Variants in PIP5K1A observed in about 807,000 individuals in gnomAD.
The protein encoded by PIP5K1A is phosphatidylinositol 4-phosphate 5-kinase type-1 alpha.
PIP5K1A carries 46 observed loss-of-function variants against 72.9 expected under a neutral mutation model. The ratio of observed to expected loss-of-function variants is 0.63; its 90% confidence interval spans 0.50 to 0.81. The LOEUF (loss-of-function observed/expected upper bound fraction) is 0.81. Among genes scored for constraint, PIP5K1A ranks in the 30% least tolerant of loss-of-function variants. The probability of loss-of-function intolerance (pLI) is 0.00; values close to 1 mark genes in which losing one functional copy is unlikely to be tolerated. For synonymous variants in PIP5K1A, 228 were observed against 255.1 expected (o/e 0.89, Z 1.01); for missense variants, 458 against 706.1 (o/e 0.65, Z 3.98).
chr1:151,198,266 T>A (rs1313793539), upstream of PIP5K1A: 1 of 360,382 alleles, frequency 2.8e-6, no homozygotes, highest in Non-Finnish European at 5.5e-6. Flanking sequence ...CGCAGAGAGT[T>A]CTTTCCTGGG....
intron 14 of PIP5K1A, among the ~76,000 whole-genome samples, chr1:151,246,306 G>A (rs1404654524): frequency 6.6e-6 from 1 of 152,062 alleles, no homozygotes; most frequent in African/African-American, 2.4e-5. Context: ...CCTTTGGCTC[G>A]GGTTCTCTCG....
intron 8 of PIP5K1A, among the ~76,000 whole-genome samples, chr1:151,235,844 C>A (rs587771363): frequency 6.6e-6 from 1 of 152,172 alleles, no homozygotes; most frequent in South Asian, 2.1e-4. Context: ...CTAACCAGGC[C>A]GGGCGTGGTG....
In PIP5K1A at chr1:151,249,480, T is replaced by G. The variant is rs1315884842; in HGVS notation, c.*1615T>G. On this transcript the variant is annotated 3_prime_UTR_variant, in exon 16 of 16. Transcript: ENST00000368888. ...TATTGTTCAGAAATGGCAAATACAA[T>G]ATAAAAGTGATATATGGTTTTAATG... 1.3e-5 allele frequency: 2 copies of G among 152,156 alleles called. No homozygotes were observed. The highest frequency in any genetic ancestry group is 2.9e-5 in the Non-Finnish European group (2 of 68,028). 9.4% of individuals were successfully genotyped at this position (152,156 alleles called of 1,614,324 possible).
intron 1 of PIP5K1A, among the ~76,000 whole-genome samples, chr1:151,205,878 A>G (rs1349582134): frequency 6.6e-6 from 1 of 152,102 alleles, no homozygotes; most frequent in African/African-American, 2.4e-5. Context: ...ATCAAGGACA[A>G]AAGTGTACTT....
In PIP5K1A at chr1:151,242,190, C is replaced by G; in HGVS notation, c.1431C>G (p.Gly477=). The G allele has an allele frequency of 6.2e-7, 1 of 1,613,908 alleles. No homozygotes were observed. Among genetic ancestry groups the G allele is most frequent in the Non-Finnish European group, 8.5e-7 (1 of 1,179,806 alleles). Reference sequence around the variant, plus strand: ...TCTCTCGGCGAGCAGGCTCCAGTGGCAACTCCTGCATTACTTACCAGCCAT... The same window carrying G: ...TCTCTCGGCGAGCAGGCTCCAGTGGGAACTCCTGCATTACTTACCAGCCAT... ...SSFSRRAGSS[G]NSCITYQPSV... The change falls in exon 13 of 16, where the codon GGC becomes GGG. Residue 477 remains glycine, a synonymous_variant. Transcript: ENST00000368888.
At chr1:151,195,663 A>C (rs1228892755), upstream of PIP5K1A, among the ~76,000 whole-genome samples, 1 of 151,726 alleles carries the variant, frequency 6.6e-6, no homozygotes, top group African/African-American at 2.4e-5. Flanking sequence ...AGGCAGGAGA[A>C]TCGCTTGAAC....
chr1:151,234,046 T>C (rs1385648076), intron 7 of PIP5K1A, 151 bp from the exon 8 acceptor site: 1 of 630,880 alleles, frequency 1.6e-6, no homozygotes, highest in Admixed American at 3.0e-5. Flanking sequence ...CATAGGGAAA[T>C]GTAAAGCATA....
At chr1:151,240,315 G>T in intron 12 of PIP5K1A, 1 of 399,172 alleles carries the variant, frequency 2.5e-6, no homozygotes. Flanking sequence ...AATAAATAAT[G>T]TGTAGTTGTG....
intron 1 of PIP5K1A, among the ~76,000 whole-genome samples, chr1:151,204,484 G>A (rs1685671250): frequency 6.6e-6 from 1 of 152,146 alleles, no homozygotes; most frequent in Non-Finnish European, 1.5e-5. Flanking sequence ...GCCTGTGGAT[G>A]TTTTTTTGAT....
At chr1:151,215,175 C>G (rs1490207982) in intron 1 of PIP5K1A, among the ~76,000 whole-genome samples, 1 of 149,386 alleles carries the variant, frequency 6.7e-6, no homozygotes, top group Non-Finnish European at 1.5e-5. Context: ...GGATTACAGG[C>G]AGGTGCCACC....
chr1:151,224,266 C>A lies in PIP5K1A; in HGVS notation c.107C>A (p.Pro36His). The change falls in exon 2 of 16, where the codon CCC becomes CAC. Residue 36 changes from proline to histidine, a missense_variant. Transcript: ENST00000368888. ...LSSAASGIKR[P>H]MASEVLEARQ... ...CTAGCAGCATCTGGAATCAAGAGAC[C>A]CATGGCATCTGAGGTGAGTTTCATA... 1 of 1,613,364 alleles carries A rather than the reference C, an allele frequency of 6.2e-7. No homozygotes were observed. The highest frequency in any genetic ancestry group is 8.5e-7 in the Non-Finnish European group (1 of 1,179,504).
upstream of PIP5K1A, among the ~76,000 whole-genome samples, chr1:151,197,082 G>A (rs1260227466): frequency 6.7e-6 from 1 of 149,916 alleles, no homozygotes; most frequent in African/African-American, 2.5e-5. Context: ...GGCTTGTCTC[G>A]TACTCCTGAG....
intron 3 of PIP5K1A, among the ~76,000 whole-genome samples, chr1:151,225,354 G>A (rs1246077203): frequency 6.6e-6 from 1 of 152,066 alleles, no homozygotes; most frequent in Non-Finnish European, 1.5e-5. Flanking sequence ...TCAGCCTTCT[G>A]GCTTATAAAC....
At chr1:151,207,369 G>T (rs1030984417) in intron 1 of PIP5K1A, among the ~76,000 whole-genome samples, 35 of 152,060 alleles carry the variant, frequency 2.3e-4, no homozygotes, top group Admixed American at 2.2e-3. Flanking sequence ...TTGTGCCAAG[G>T]GATACATATT....
chr1:151,230,005 G>A (rs1325611741), intron 4 of PIP5K1A, among the ~76,000 whole-genome samples: 6 of 152,094 alleles, frequency 3.9e-5, no homozygotes. Context: ...GGAGAATGGT[G>A]TCAACCAGGG....
Position 151,234,516 on chromosome 1 carries a change from A to G in PIP5K1A, c.939+20A>G. The G allele has an allele frequency of 1.9e-6, 3 of 1,603,688 alleles. No individual in the cohort carries two copies. Among genetic ancestry groups the G allele is most frequent in the Non-Finnish European group, 2.6e-6 (3 of 1,170,592 alleles). ...TGTTTGGTGAGTTTGTTACTTAGAC[A>G]TCAAAAATCTCAGTTACTAAAACAG... On this transcript the variant is annotated intron_variant, in intron 8 of 15. Coordinates refer to ENST00000368888, the MANE Select transcript of PIP5K1A (RefSeq NM_001135638.2).
At chr1:151,214,646 G>T (rs1687314734) in intron 1 of PIP5K1A, among the ~76,000 whole-genome samples, 1 of 152,232 alleles carries the variant, frequency 6.6e-6, no homozygotes, top group Non-Finnish European at 1.5e-5. Flanking sequence ...CTCCCAAAGG[G>T]CTGGGATTAC....
At chr1:151,232,206 T>C (rs774329448) in intron 5 of PIP5K1A, 42 bp from the exon 6 acceptor site, 16 of 1,300,602 alleles carry the variant, frequency 1.2e-5, no homozygotes, top group Non-Finnish European at 1.5e-5. Context: ...CTCTGGATGA[T>C]AGGGACTGGC....
intron 14 of PIP5K1A, 61 bp from the exon 15 acceptor site, chr1:151,246,859 G>A (rs1049009502): frequency 1.6e-6 from 2 of 1,215,268 alleles, no homozygotes; most frequent in Admixed American, 1.8e-5. Flanking sequence ...TAAAAGGAGA[G>A]TCCTTTGTTG....
Sources: allele counts gnomAD v4.1 joint callset (sites outside exome capture counted in the v4.1 genomes callset), GRCh38; gene constraint gnomAD v4.1.1; transcripts MANE v1.5; gene names NCBI Gene and HGNC (gene_info 2026-07-23, HGNC 2026-07-21).